Variants in NCAPD3 observed in about 807,000 individuals in gnomAD.
NCAPD3 encodes the protein condensin-2 complex subunit D3.
NCAPD3 carries 105 observed loss-of-function variants against 182.9 expected under a neutral mutation model. The ratio of observed to expected loss-of-function variants is 0.57; its 90% CI spans 0.49 to 0.68. NCAPD3 has a LOEUF of 0.68. Among genes scored for constraint, NCAPD3 ranks in the 30% least tolerant of loss-of-function variants. The pLI, the probability that NCAPD3 is intolerant of heterozygous loss-of-function variation, is 0.00. For missense variants in NCAPD3, 1,944 were observed against 1,837.0 expected (o/e 1.06, Z -1.07); for synonymous variants, 815 against 679.9 (o/e 1.20, Z -3.09).
chr11:134,160,875 C>T (rs1565518828), intron 28 of NCAPD3, among the ~76,000 whole-genome samples: 1 of 151,854 alleles, frequency 6.6e-6, no homozygotes, highest in Admixed American at 6.6e-5. Flanking sequence ...TGTGTGTGTG[C>T]TCACAAGCAG....
Position 134,194,545 on chromosome 11 carries a change from C to G in NCAPD3, c.1689+120G>C, listed in dbSNP as rs538898365. The G allele has an allele frequency of 7.7e-5, 48 of 621,092 alleles. No homozygotes were observed. The African/African-American group carries it at 8.5e-4, about 11-fold the overall frequency. The allele number at this position is 621,092 out of a possible 1,614,324, so 38.5% of individuals were successfully genotyped here. On this transcript the variant is annotated intron_variant, in intron 14 of 34. Coordinates refer to ENST00000534548, the MANE Select transcript of NCAPD3 (RefSeq NM_015261.3). The stretch of plus-strand genomic sequence containing the variant: ...TCATATACAACAGGATCAGGGTCAA[C>G]TAACAGTTAGGCGAAAAGCAAATTA...
chr11:134,176,762 C>T (rs1944178367), intron 23 of NCAPD3, among the ~76,000 whole-genome samples: 1 of 152,186 alleles, frequency 6.6e-6, no homozygotes, highest in African/African-American at 2.4e-5. Context: ...AAATATCTAA[C>T]GCTCTGCAGA....
intron 27 of NCAPD3, among the ~76,000 whole-genome samples, chr11:134,166,700 G>C (rs1365854017): frequency 2.5e-5 from 3 of 120,100 alleles, no homozygotes; most frequent in African/African-American, 3.4e-5. Flanking sequence ...CACTGAGTGA[G>C]ATGAGCTTAG....
rs1360101254 is a variant in NCAPD3 at position 134,177,401 on chromosome 11, G to A, written c.2839C>T (p.Arg947Ter). The change falls in exon 23 of 35, where the codon CGA becomes TGA. Residue 947 changes from arginine (R) to a stop codon, truncating the protein, a stop_gained. Transcript: ENST00000534548. LOFTEE classifies it high-confidence loss of function. ...ACGTCCTCACACACCTCGAGCTCTC[G>A]CACCAGGGCTGGGATGCTCTTCTTT... ...LAKKSIPALV[R>*]ELEVCEDVAV... is the part of the protein sequence containing the mutation. 4.3e-6 allele frequency: 7 copies of A among 1,614,218 alleles called. No individual in the cohort carries two copies. Among genetic ancestry groups the A allele is most frequent in the Admixed American group, 1.7e-5 (1 of 60,032 alleles).
At chr11:134,188,299 G>C (rs1301008081) in intron 16 of NCAPD3, among the ~76,000 whole-genome samples, 1 of 151,962 alleles carries the variant, frequency 6.6e-6, no homozygotes, top group African/African-American at 2.4e-5. Context: ...CAATCAGCAT[G>C]CTGTGTCTAG....
rs1944785055 is a variant in NCAPD3 at position 134,203,185 on chromosome 11, A to G, written c.1482T>C (p.Ser494=). The stretch of plus-strand genomic sequence containing the variant: ...AGGTACCAGGGTGACTCTCTATTAC[A>G]GAAAACGTAGGACCTAAAAACAAGA... ...LELLINSPTF[S]VIESHPGTLL... is the part of the protein sequence containing the mutation. Residue 494 remains serine, a synonymous_variant, in exon 12 of 35, where the codon TCT becomes TCC. Transcript: ENST00000534548. 1 of 1,597,788 alleles carries G rather than the reference A, an allele frequency of 6.3e-7. No individual in the cohort carries two copies. Among genetic ancestry groups the G allele is most frequent in the African/African-American group, 1.3e-5 (1 of 74,666 alleles).
chr11:134,178,390 C>T (rs1944217970), intron 22 of NCAPD3: 1 of 340,406 alleles, frequency 2.9e-6, no homozygotes. Flanking sequence ...AAAACAAAAG[C>T]TCCCTCTAGA....
At chr11:134,201,535 T>C (rs1006797202) in intron 13 of NCAPD3, among the ~76,000 whole-genome samples, 1 of 152,174 alleles carries the variant, frequency 6.6e-6, no homozygotes, top group Non-Finnish European at 1.5e-5. Context: ...TCTGCCTTAA[T>C]AAGAAAAAGC....
In NCAPD3 at chr11:134,168,125, G is replaced by C. The variant is rs140260009; in HGVS notation, c.3444C>G (p.Val1148=). The change falls in exon 27 of 35, where the codon GTC becomes GTG. Residue 1148 remains valine, a synonymous_variant. Coordinates refer to ENST00000534548, the MANE Select transcript of NCAPD3 (RefSeq NM_015261.3). ...ASELLSDTFE[V]LSSKEIKLLA... ...AAAGCTTGATCTCCTTTGAGCTGAG[G>C]ACCTCAAACGTGTCTGAGAGTAACT... 2.3e-4 allele frequency: 374 copies of C among 1,614,080 alleles called. 1 individual carries two copies. The African/African-American group carries it at 4.3e-3, about 19-fold the overall frequency.
chr11:134,191,714 T>C (rs2135995081), intron 16 of NCAPD3, among the ~76,000 whole-genome samples: 1 of 152,140 alleles, frequency 6.6e-6, no homozygotes, highest in East Asian at 1.9e-4. Context: ...ATTCTAGAAA[T>C]CTCAGGAAAG....
intron 27 of NCAPD3, among the ~76,000 whole-genome samples, chr11:134,165,339 G>A (rs547748463): frequency 2.7e-4 from 41 of 151,512 alleles, no homozygotes; most frequent in Admixed American, 4.6e-4. Flanking sequence ...TAAGTGGAGG[G>A]GCACACTCAT....
intron 8 of NCAPD3, among the ~76,000 whole-genome samples, 160 bp from the exon 9 acceptor site, chr11:134,205,131 C>T (rs190570015): frequency 2.0e-5 from 3 of 152,306 alleles, no homozygotes; most frequent in South Asian, 2.1e-4. Flanking sequence ...AAAATGTCAT[C>T]GTAGAAAACT....
intron 27 of NCAPD3, among the ~76,000 whole-genome samples, chr11:134,165,486 C>T (rs1255625909): frequency 1.4e-5 from 2 of 145,524 alleles, no homozygotes; most frequent in African/African-American, 2.6e-5. Flanking sequence ...GGGGGAGTGG[C>T]ACACTTGTGA....
chr11:134,184,144 G>A (rs1416229506), intron 19 of NCAPD3, among the ~76,000 whole-genome samples: 2 of 152,158 alleles, frequency 1.3e-5, no homozygotes, highest in East Asian at 3.8e-4. Flanking sequence ...ACTAGCTGTG[G>A]GCTATAGGCA....
intron 10 of NCAPD3, 68 bp downstream of exon 10, chr11:134,203,978 T>G: frequency 6.2e-7 from 1 of 1,600,054 alleles, no homozygotes; most frequent in Non-Finnish European, 8.5e-7. Flanking sequence ...CATTCAGACC[T>G]AGAAAAAGAG....
intron 27 of NCAPD3, among the ~76,000 whole-genome samples, chr11:134,165,872 C>T (rs1459570495): frequency 7.3e-6 from 1 of 136,668 alleles, no homozygotes; most frequent in Non-Finnish European, 1.6e-5. Flanking sequence ...GCTGCACACT[C>T]ACTAGTGAGA....
intron 27 of NCAPD3, among the ~76,000 whole-genome samples, chr11:134,167,254 T>A (rs1211571717): frequency 3.1e-5 from 3 of 95,582 alleles, no homozygotes; most frequent in Admixed American, 1.2e-4. Flanking sequence ...ACTCGTGAGA[T>A]GAGCTTAGGG....
At chr11:134,209,647 A>C in intron 4 of NCAPD3, 170 bp from the exon 5 acceptor site, 1 of 596,608 alleles carries the variant, frequency 1.7e-6, no homozygotes, top group Non-Finnish European at 2.9e-6. Flanking sequence ...TGGCCACAAC[A>C]GTAAATCACT....
chr11:134,224,578 G>C (rs1290809994), upstream of NCAPD3: 1 of 152,326 alleles, frequency 6.6e-6, no homozygotes, highest in African/African-American at 2.4e-5. Context: ...TCTCCTCCGG[G>C]CTGCCGGGAG....
Sources: allele counts gnomAD v4.1 joint callset (sites outside exome capture counted in the v4.1 genomes callset), GRCh38; gene constraint gnomAD v4.1.1; transcripts MANE v1.5; gene names NCBI Gene and HGNC (gene_info 2026-07-23, HGNC 2026-07-21).